TOP1MT: variants seen among roughly 807,000 people sequenced by gnomAD.
TOP1MT encodes DNA topoisomerase I, mitochondrial.
Under a neutral mutation model 73.9 loss-of-function variants are expected in TOP1MT, and 80 were observed. The ratio of observed to expected loss-of-function variants is 1.08; its 90% CI spans 0.90 to 1.30. The LOEUF (loss-of-function observed/expected upper bound fraction) is 1.30, where lower values mean the gene tolerates loss of function less well. Ranked by LOEUF, TOP1MT falls within the 50% of genes most tolerant of loss-of-function variation. TOP1MT has a pLI of 0.00. For missense variants in TOP1MT, 815 were observed against 808.0 expected (o/e 1.01, Z -0.10); for synonymous variants, 338 against 326.4 (o/e 1.04, Z -0.38).
chr8:143,317,946 C>T, intron 9 of TOP1MT, 72 bp downstream of exon 9: 6 of 1,595,746 alleles, frequency 3.8e-6, no homozygotes, highest in Non-Finnish European at 4.3e-6. Context: ...AACCCTGGGC[C>T]AGACTCAGCG....
upstream of TOP1MT, among the ~76,000 whole-genome samples, chr8:143,336,667 G>C (rs751081824): frequency 3.3e-5 from 5 of 152,108 alleles, no homozygotes; most frequent in Middle Eastern, 3.2e-3. Context: ...GCATAATCTT[G>C]TATATAGAAA....
intron 1 of TOP1MT, among the ~76,000 whole-genome samples, chr8:143,355,063 C>T (rs768359601): frequency 7.9e-5 from 12 of 152,302 alleles, no homozygotes; most frequent in South Asian, 2.1e-4. Flanking sequence ...GCCCGTGCAC[C>T]GCCTGCCTAC....
intron 1 of TOP1MT, 81 bp downstream of exon 1, chr8:143,334,658 AC>A: frequency 6.4e-7 from 1 of 1,554,520 alleles, no homozygotes; most frequent in Non-Finnish European, 8.7e-7. Context: ...AGGCCGTCCC[AC>A]GAGGCCTGCC....
intron 1 of TOP1MT, among the ~76,000 whole-genome samples, chr8:143,332,214 C>T (rs1416678400): frequency 1.6e-4 from 25 of 152,236 alleles, no homozygotes; most frequent in Admixed American, 1.6e-3. Flanking sequence ...CACCAAAACC[C>T]ATACGAAGGG....
intron 7 of TOP1MT, among the ~76,000 whole-genome samples, chr8:143,323,730 A>ATG (rs1816618202): frequency 1.0e-5 from 1 of 95,408 alleles, no homozygotes; most frequent in African/African-American, 3.1e-5. Context: ...CGCCACACAC[A>ATG]CATGCACGCC....
chr8:143,335,366 AC>A (rs1396296070), upstream of TOP1MT, among the ~76,000 whole-genome samples: 1 of 152,200 alleles, frequency 6.6e-6, no homozygotes, highest in Non-Finnish European at 1.5e-5. Flanking sequence ...CGGCAGAAGC[AC>A]CTGCTGTCCA....
chr8:143,324,019 C>T lies in TOP1MT; in HGVS notation c.940G>A (p.Ala314Thr), dbSNP rs765789984. 18 of 1,613,640 alleles carry T rather than the reference C, an allele frequency of 1.1e-5. No homozygotes were observed. The highest frequency in any genetic ancestry group is 1.5e-5 in the Non-Finnish European group (18 of 1,180,030). The change falls in exon 7 of 14, where the codon GCC (alanine) becomes ACC (threonine). Residue 314 changes from alanine to threonine, a missense_variant. Physicochemically the swap from Ala to Thr is moderately conservative, Grantham distance 58. Around this residue, in one of 3 missense-constraint regions of TOP1MT, gnomAD observed 751 missense variants for 725.4 expected, o/e 1.04. Coordinates refer to ENST00000329245, the MANE Select transcript of TOP1MT (RefSeq NM_052963.3). ...CATACCTTATCGATGAAATACAGGGCCACCGCCCGCTGTCTCGTCTTCATT... is the reference window on the plus strand; with the variant it reads ...CATACCTTATCGATGAAATACAGGGTCACCGCCCGCTGTCTCGTCTTCATT... ...REMKTRQRAVALYFIDKLALR... is the reference protein window; with the variant it reads ...REMKTRQRAVTLYFIDKLALR...
chr8:143,327,123 A>T (rs1404332837), intron 3 of TOP1MT, among the ~76,000 whole-genome samples: 1 of 152,112 alleles, frequency 6.6e-6, no homozygotes, highest in Non-Finnish European at 1.5e-5. Flanking sequence ...GGTGCTGGGG[A>T]TTCAGTTTCA....
chr8:143,347,488 A>G (rs1322802736), upstream of TOP1MT, among the ~76,000 whole-genome samples: 2 of 152,076 alleles, frequency 1.3e-5, no homozygotes, highest in Non-Finnish European at 2.9e-5. Context: ...ACGGGGTTTC[A>G]CTATATGTTG....
chr8:143,331,686 G>A (rs1023733627), intron 1 of TOP1MT: 21 of 209,694 alleles, frequency 1.0e-4, no homozygotes, highest in East Asian at 5.1e-4. Flanking sequence ...CTTCAGAGCC[G>A]GTCTAGAATC....
chr8:143,313,871 A>AG (rs1222838173), intron 12 of TOP1MT, among the ~76,000 whole-genome samples: 3 of 151,842 alleles, frequency 2.0e-5, no homozygotes, highest in African/African-American at 7.3e-5. Flanking sequence ...AAAAAAAAAA[A>AG]AAAGAAAGAA....
At chr8:143,335,367 C>A (rs183664081), upstream of TOP1MT, among the ~76,000 whole-genome samples, 2 of 152,340 alleles carry the variant, frequency 1.3e-5, no homozygotes, top group East Asian at 3.9e-4. Flanking sequence ...GGCAGAAGCA[C>A]CTGCTGTCCA....
At chr8:143,326,448 C>T (rs528098185) in intron 3 of TOP1MT, 104 bp from the exon 4 acceptor site, 253 of 1,500,178 alleles carry the variant, frequency 1.7e-4, no homozygotes, top group Non-Finnish European at 2.2e-4. Context: ...CCATGTCCGA[C>T]GGAGGCGTGT....
chr8:143,323,213 ACACAGGCACGC>A (rs1483398943), intron 7 of TOP1MT, among the ~76,000 whole-genome samples: 27 of 118,690 alleles, frequency 2.3e-4, no homozygotes, highest in African/African-American at 7.3e-4. Context: ...CAGGCACGCC[ACACAGGCACGC>A]CACACACAGG....
rs1227560225 is a variant in TOP1MT, at chr8:143,322,111, TGCACGCCACACACACAG to T, written c.961-742_961-726del. ...GCATGCCAAACACGCACGCCACACA[TGCACGCCACACACACAG>T]GCACGCCACACAGGCACGCCACACG... On this transcript the variant is annotated intron_variant, in intron 7 of 13. Coordinates refer to ENST00000329245, the MANE Select transcript of TOP1MT (RefSeq NM_052963.3). 2.6e-3 allele frequency among the ~76,000 whole-genome samples: 57 copies of T among 22,118 alleles called. 3 individuals carry two copies. Among genetic ancestry groups the T allele is most frequent in the African/African-American group, 8.6e-3 (56 of 6,516 alleles). 14.5% of individuals were successfully genotyped at this position (22,118 alleles called of 152,430 possible).
intron 12 of TOP1MT, among the ~76,000 whole-genome samples, chr8:143,312,336 C>T (rs1463065601): frequency 6.6e-6 from 1 of 152,116 alleles, no homozygotes; most frequent in Non-Finnish European, 1.5e-5. Flanking sequence ...TATCAGCAAA[C>T]TGAATCCAGC....
In TOP1MT at chr8:143,317,791, G is replaced by A. The variant is rs767455564; in HGVS notation, c.1262C>T (p.Thr421Met). The A allele has an allele frequency of 1.8e-5, 29 of 1,614,068 alleles. No individual in the cohort carries two copies. The highest frequency in any genetic ancestry group is 4.0e-5 in the African/African-American group (3 of 74,952). The change falls in exon 10 of 14, where the codon ACG becomes ATG. Residue 421 changes from threonine to methionine, a missense_variant. Transcript: ENST00000329245. ...GTTGTAGGTCCGGAACACCTTGGCC[G>A]TCAGCCCGTCCATCAGCTCCTGGAG... ...KHLQELMDGL[T>M]AKVFRTYNAS...
At position 143,321,345 on chromosome 8, in the gene TOP1MT, C is replaced by T. The variant is rs900448816; in HGVS notation, c.1002G>A (p.Ala334=). 11 of 1,598,910 alleles carry T rather than the reference C, an allele frequency of 6.9e-6. No individual in the cohort carries two copies. The highest frequency in any genetic ancestry group is 9.4e-6 in the Non-Finnish European group (11 of 1,168,806). Residue 334 remains alanine (A), a synonymous_variant, in exon 8 of 14, where the codon GCG becomes GCA. Transcript: ENST00000329245. ...GGGAACAGCAGCCCACGGTGTCGGC[C>T]GCCTCACCGTCCTCCTTCTCATTTC... ...RAGNEKEDGE[A]ADTVGCCSLR...
upstream of TOP1MT, among the ~76,000 whole-genome samples, chr8:143,347,528 A>G (rs1288316222): frequency 6.6e-6 from 1 of 152,178 alleles, no homozygotes; most frequent in African/African-American, 2.4e-5. Context: ...CCTGACCTCA[A>G]GTGATCCACC....
Sources: allele counts gnomAD v4.1 joint callset (sites outside exome capture counted in the v4.1 genomes callset), GRCh38; gene constraint gnomAD v4.1.1; regional missense constraint gnomAD v4.1.1; transcripts MANE v1.5; gene names NCBI Gene and HGNC (gene_info 2026-07-23, HGNC 2026-07-21).